The following SORCS2 variants were observed in gnomAD, a reference collection of about 807,000 sequenced individuals.
The protein encoded by SORCS2 is sortilin related VPS10 domain containing receptor 2, also known as VPS10 domain-containing receptor SorCS2.
In SORCS2, 100 loss-of-function variants were observed where a neutral mutation model predicts 141.6. The ratio of observed to expected loss-of-function variants is 0.71; its 90% CI spans 0.60 to 0.83. SORCS2 has a LOEUF of 0.83. Ranked by LOEUF, SORCS2 falls within the 40% of genes least tolerant of loss-of-function variation. The pLI, the probability that SORCS2 is intolerant of heterozygous loss-of-function variation, is 0.00. For missense variants in SORCS2, 1,646 were observed against 1,560.2 expected (o/e 1.05, Z -0.93); for synonymous variants, 789 against 676.9 (o/e 1.17, Z -2.57).
intron 2 of SORCS2, among the ~76,000 whole-genome samples, chr4:7,468,555 C>T (rs944760178): frequency 1.3e-5 from 2 of 152,206 alleles, no homozygotes; most frequent in African/African-American, 4.8e-5. Context: ...AGTGGGGGCA[C>T]TTGGAAAGGT....
chr4:7,221,971 A>G (rs550787357), intron 1 of SORCS2, among the ~76,000 whole-genome samples: 1 of 152,302 alleles, frequency 6.6e-6, no homozygotes, highest in South Asian at 2.1e-4. Context: ...AAACAGTGAA[A>G]CAAGTTCAGA....
intron 2 of SORCS2, among the ~76,000 whole-genome samples, chr4:7,402,143 C>T (rs1160340574): frequency 6.6e-6 from 1 of 152,156 alleles, no homozygotes; most frequent in East Asian, 1.9e-4. Context: ...AGAGCCGAGT[C>T]CAGCTCAATG....
intron 1 of SORCS2, among the ~76,000 whole-genome samples, chr4:7,374,175 C>CTTTCTTTCTTTT (rs1722476835): frequency 1.6e-5 from 2 of 122,982 alleles, no homozygotes; most frequent in Admixed American, 1.7e-4. Context: ...TTCTTTCTTT[C>CTTTCTTTCTTTT]TTTCTTTCTT....
At chr4:7,619,554 A>G (rs1229151961) in intron 3 of SORCS2, among the ~76,000 whole-genome samples, 1 of 152,168 alleles carries the variant, frequency 6.6e-6, no homozygotes, top group Admixed American at 6.5e-5. Flanking sequence ...TGGAATTGGT[A>G]TTAGGCAGGC....
intron 22 of SORCS2, among the ~76,000 whole-genome samples, chr4:7,729,054 G>T (rs1429455776): frequency 6.6e-6 from 1 of 152,190 alleles, no homozygotes; most frequent in Non-Finnish European, 1.5e-5. Context: ...GTTGAATCAG[G>T]GTTTGCCAGA....
intron 1 of SORCS2, among the ~76,000 whole-genome samples, chr4:7,314,629 G>A (rs1251601093): frequency 2.0e-5 from 3 of 152,088 alleles, no homozygotes; most frequent in Admixed American, 1.3e-4. Flanking sequence ...GTGAGCCACC[G>A]CACCCGGCCA....
chr4:7,514,221 A>C (rs1451407594), intron 2 of SORCS2, among the ~76,000 whole-genome samples: 1 of 152,162 alleles, frequency 6.6e-6, no homozygotes, highest in African/African-American at 2.4e-5. Context: ...ACTTGTGACC[A>C]GGGTTGCTGC....
At chr4:7,278,683 G>A (rs1715670303) in intron 1 of SORCS2, among the ~76,000 whole-genome samples, 1 of 152,206 alleles carries the variant, frequency 6.6e-6, no homozygotes, top group Admixed American at 6.5e-5. Flanking sequence ...GCGCTTATGG[G>A]GCCAGCTGTC....
intron 17 of SORCS2, among the ~76,000 whole-genome samples, chr4:7,717,697 C>T (rs1726286428): frequency 1.3e-5 from 2 of 151,104 alleles, no homozygotes; most frequent in Admixed American, 1.3e-4. Context: ...TTAAACAGCC[C>T]CTCTGCAGCA....
At chr4:7,674,360 T>G (rs1299910906) in intron 8 of SORCS2, among the ~76,000 whole-genome samples, 2 of 151,736 alleles carry the variant, frequency 1.3e-5, no homozygotes, top group African/African-American at 4.8e-5. Flanking sequence ...GATCACGAGT[T>G]CAGGAGATTG....
intron 3 of SORCS2, among the ~76,000 whole-genome samples, chr4:7,543,675 T>G (rs1222337362): frequency 5.5e-5 from 4 of 72,960 alleles, no homozygotes; most frequent in Non-Finnish European, 8.8e-5. Flanking sequence ...CATCCATCCA[T>G]CCACCCATCC....
At chr4:7,708,674 A>G (rs1159195964) in intron 14 of SORCS2, among the ~76,000 whole-genome samples, 1 of 152,146 alleles carries the variant, frequency 6.6e-6, no homozygotes, top group Non-Finnish European at 1.5e-5. Flanking sequence ...AGGGGCTGCA[A>G]CGCAGCTTTA....
chr4:7,678,975 C>T (rs185981694), intron 9 of SORCS2, among the ~76,000 whole-genome samples: 37 of 152,274 alleles, frequency 2.4e-4, no homozygotes, highest in South Asian at 8.3e-4. Context: ...GGCAGAGCAG[C>T]GCCTGTTTCC....
intron 22 of SORCS2, 44 bp from the exon 23 acceptor site, chr4:7,729,543 A>C: frequency 6.4e-7 from 1 of 1,551,180 alleles, no homozygotes; most frequent in Non-Finnish European, 8.7e-7. Context: ...GAGGCAGGGA[A>C]TGAGGAAGAC....
At chr4:7,514,263 G>T (rs951413420) in intron 2 of SORCS2, among the ~76,000 whole-genome samples, 2 of 152,126 alleles carry the variant, frequency 1.3e-5, no homozygotes, top group African/African-American at 4.8e-5. Context: ...GACTTGACTA[G>T]GTGGTTCAGG....
At chr4:7,264,375 G>T in intron 1 of SORCS2, among the ~76,000 whole-genome samples, 1 of 152,168 alleles carries the variant, frequency 6.6e-6, no homozygotes, top group East Asian at 1.9e-4. Flanking sequence ...TCTCCTGCTT[G>T]TCCAGGGGCA....
chr4:7,670,634 A>T (rs968231616), intron 8 of SORCS2, among the ~76,000 whole-genome samples: 4 of 152,214 alleles, frequency 2.6e-5, no homozygotes, highest in Non-Finnish European at 4.4e-5. Flanking sequence ...CTGCTTTGGA[A>T]TTCTCAAGTC....
At chr4:7,251,677 A>G (rs2108805993) in intron 1 of SORCS2, among the ~76,000 whole-genome samples, 1 of 152,272 alleles carries the variant, frequency 6.6e-6, no homozygotes, top group Non-Finnish European at 1.5e-5. Flanking sequence ...CCCAGGCATC[A>G]CGTCTGCATT....
chr4:7,273,823 A>G (rs28498520), intron 1 of SORCS2, among the ~76,000 whole-genome samples: 11 of 152,176 alleles, frequency 7.2e-5, no homozygotes, highest in Admixed American at 2.0e-4. Context: ...TGGAGCTTGG[A>G]GGCCATGCCT....
Sources: allele counts gnomAD v4.1 joint callset (sites outside exome capture counted in the v4.1 genomes callset), GRCh38; gene constraint gnomAD v4.1.1; transcripts MANE v1.5; gene names NCBI Gene and HGNC (gene_info 2026-07-23, HGNC 2026-07-21).